Variants in CILK1 observed in about 807,000 individuals in gnomAD.
CILK1 encodes the protein serine/threonine-protein kinase ICK.
A neutral mutation model predicts 79.2 loss-of-function variants in CILK1; 47 were observed. The ratio of observed to expected loss-of-function variants is 0.59; its 90% CI spans 0.47 to 0.76. The LOEUF (loss-of-function observed/expected upper bound fraction) is 0.76. Ranked by LOEUF, CILK1 falls within the 30% of genes least tolerant of loss-of-function variation. The probability of loss-of-function intolerance (pLI) is 0.00; values close to 1 mark genes in which losing one functional copy is unlikely to be tolerated. For missense variants in CILK1, 660 were observed against 769.5 expected (o/e 0.86, Z 1.68); for synonymous variants, 266 against 275.9 (o/e 0.96, Z 0.36).
At position 53,040,522 on chromosome 6, in the gene CILK1, C is replaced by T. The variant is rs185027779; in HGVS notation, c.101+614G>A. On this transcript the variant is annotated intron_variant, in intron 2 of 13. Coordinates refer to ENST00000676107, the MANE Select transcript of CILK1 (RefSeq NM_014920.5). ...AAAATGAGCTCAGAAGTGGATTCTT[C>T]CCCAGTCCAATCTTTGGATGAGACC... 1.8e-3 allele frequency among the ~76,000 whole-genome samples: 281 copies of T among 152,332 alleles called. 3 individuals carry two copies. Among genetic ancestry groups the T allele is most frequent in the African/African-American group, 6.4e-3 (267 of 41,576 alleles).
At chr6:53,036,781 C>T (rs754403844) in intron 3 of CILK1, among the ~76,000 whole-genome samples, 5 of 152,304 alleles carry the variant, frequency 3.3e-5, no homozygotes, top group South Asian at 2.1e-4. Context: ...ACAGGGAACA[C>T]TAACTTTGAA....
At chr6:53,013,613 A>G in intron 9 of CILK1, 49 bp downstream of exon 9, 3 of 1,534,154 alleles carry the variant, frequency 2.0e-6, no homozygotes, top group Non-Finnish European at 2.7e-6. Context: ...ATGGGGTCAG[A>G]AGAGGAATAA....
At chr6:53,059,865 C>T (rs1309055868) in intron 1 of CILK1, among the ~76,000 whole-genome samples, 3 of 152,174 alleles carry the variant, frequency 2.0e-5, no homozygotes, top group African/African-American at 7.2e-5. Flanking sequence ...GGATGCTTCT[C>T]ATTCATTCAT....
intron 1 of CILK1, among the ~76,000 whole-genome samples, chr6:53,050,025 T>C (rs956250064): frequency 2.6e-5 from 4 of 152,178 alleles, no homozygotes; most frequent in African/African-American, 4.8e-5. Context: ...CCAGCCTCAA[T>C]TGGAGTTCTA....
chr6:53,012,845 T>TA (rs1764657246), intron 9 of CILK1, among the ~76,000 whole-genome samples: 1 of 152,190 alleles, frequency 6.6e-6, no homozygotes, highest in African/African-American at 2.4e-5. Flanking sequence ...TCATAAAGGA[T>TA]AGACAGTTGG....
rs757733787 is a variant in CILK1 at position 53,016,072 on chromosome 6, T to C, written c.831+11A>G. The C allele has an allele frequency of 1.9e-6, 3 of 1,613,460 alleles. No homozygotes were observed. The South Asian group carries it at 3.3e-5, about 18-fold the overall frequency. On this transcript the variant is annotated intron_variant, in intron 8 of 13. Coordinates refer to ENST00000676107, the MANE Select transcript of CILK1 (RefSeq NM_014920.5). The stretch of plus-strand genomic sequence containing the variant: ...AGATATGAACGTTATAACAAGAAAA[T>C]GGAAGAAAACCTGACTAGCTGTTGG...
At chr6:53,019,824 GT>G (rs1340946657) in intron 5 of CILK1, among the ~76,000 whole-genome samples, 7 of 132,980 alleles carry the variant, frequency 5.3e-5, no homozygotes, top group African/African-American at 1.4e-4. Context: ...TGCCTGGCTA[GT>G]TTTTTTGTTT....
Position 53,005,084 on chromosome 6 carries a change from A to G in CILK1, c.*65T>C. The G allele has an allele frequency of 6.3e-7, 1 of 1,580,774 alleles. No individual in the cohort carries two copies. The highest frequency in any genetic ancestry group is 1.3e-5 in the African/African-American group (1 of 74,514). ...CCTCTGCACATCTTGCAGGTAGAAC[A>G]CCAGTCAGCTGAGGGAAAGTATCCT... On this transcript the variant is annotated 3_prime_UTR_variant, in exon 14 of 14. Transcript: ENST00000676107.
At chr6:53,021,180 C>T (rs1029747019) in intron 5 of CILK1, among the ~76,000 whole-genome samples, 2 of 152,124 alleles carry the variant, frequency 1.3e-5, no homozygotes, top group African/African-American at 4.8e-5. Context: ...TAAAAATTAG[C>T]CGGGCGTGGT....
chr6:53,028,927 T>C (rs1224306303), intron 5 of CILK1, among the ~76,000 whole-genome samples: 1 of 151,828 alleles, frequency 6.6e-6, no homozygotes, highest in Non-Finnish European at 1.5e-5. Context: ...TGTCTTGGGG[T>C]GCTTATGTGT....
intron 1 of CILK1, among the ~76,000 whole-genome samples, chr6:53,059,018 A>G (rs772878420): frequency 1.3e-5 from 2 of 152,216 alleles, no homozygotes; most frequent in Non-Finnish European, 1.5e-5. Flanking sequence ...GAATAACCTA[A>G]GCTCAAGCCA....
At chr6:53,049,684 T>G (rs1027756642) in intron 1 of CILK1, among the ~76,000 whole-genome samples, 1 of 152,100 alleles carries the variant, frequency 6.6e-6, no homozygotes, top group African/African-American at 2.4e-5. Flanking sequence ...ACCACAGAGC[T>G]TCAGTCAAAG....
rs1036342383 is a variant in CILK1, at chr6:53,004,566, A to G, written c.*583T>C. The G allele has an allele frequency of 1.3e-5, 2 of 153,434 alleles. No individual in the cohort carries two copies. The highest frequency in any genetic ancestry group is 2.9e-5 in the Non-Finnish European group (2 of 68,650). The allele number at this position is 153,434 out of a possible 1,614,324, so 9.5% of individuals were successfully genotyped here. On this transcript the variant is annotated 3_prime_UTR_variant, in exon 14 of 14. Transcript: ENST00000676107. ...AATATAATAGTCCTTTTAGAACAGC[A>G]GAGTGGTATCCAAAAATCAAACCAA...
chr6:53,035,420 A>G (rs1479044645), intron 3 of CILK1, among the ~76,000 whole-genome samples: 12 of 152,168 alleles, frequency 7.9e-5, no homozygotes, highest in Non-Finnish European at 2.9e-5. Context: ...AAAACAGCAA[A>G]GGAACACGGT....
At chr6:53,011,557 C>A (rs1562004852) in intron 11 of CILK1, among the ~76,000 whole-genome samples, 1 of 152,122 alleles carries the variant, frequency 6.6e-6, no homozygotes, top group Non-Finnish European at 1.5e-5. Flanking sequence ...CAAGATGGCG[C>A]CATTGCACTC....
chr6:53,017,624 G>A (rs1764968356), intron 7 of CILK1, among the ~76,000 whole-genome samples: 1 of 152,222 alleles, frequency 6.6e-6, no homozygotes. Context: ...GACTGAACAA[G>A]AAGCCAGAGT....
At position 53,036,076 on chromosome 6, in the gene CILK1, T is replaced by C. The variant is rs1052958471; in HGVS notation, c.156+1863A>G. ...AGAGGAGCAGTTTCTTCAACTATCT[T>C]GCCGAGGCAGTCACTTGCTTCCTAA... On this transcript the variant is annotated intron_variant, in intron 3 of 13. Transcript: ENST00000676107. Among the ~76,000 whole-genome samples the C allele has an allele frequency of 2.6e-5, 4 of 152,192 alleles. No individual in the cohort carries two copies. The South Asian group carries it at 8.3e-4, about 32-fold the overall frequency.
chr6:53,041,185 C>A lies in CILK1; in HGVS notation c.52G>T (p.Val18Phe), dbSNP rs538918229. 6.2e-7 allele frequency: 1 copy of A among 1,613,878 alleles called. No individual in the cohort carries two copies. The highest frequency in any genetic ancestry group is 8.5e-7 in the Non-Finnish European group (1 of 1,179,900). ...RQLGDGTYGS[V>F]LLGRSIESGE... The stretch of plus-strand genomic sequence containing the variant: ...GACTCAATGCTTCTTCCCAGCAGGA[C>A]GGAACCGTAGGTTCCATCCCCGAGC... Residue 18 changes from valine (V) to phenylalanine (F), a missense_variant, in exon 2 of 14, where the codon GTC becomes TTC. By Grantham distance (50) the Val-to-Phe change is conservative. Coordinates refer to ENST00000676107, the MANE Select transcript of CILK1 (RefSeq NM_014920.5).
At chr6:53,042,301 C>T (rs1253218361) in intron 1 of CILK1, among the ~76,000 whole-genome samples, 1 of 152,184 alleles carries the variant, frequency 6.6e-6, no homozygotes, top group Non-Finnish European at 1.5e-5. Context: ...TGCTTTTCTG[C>T]TGACTAACCA....
Sources: gnomAD v4.1 joint callset for allele counts (sites outside exome capture counted in the v4.1 genomes callset) on GRCh38, gnomAD v4.1.1 for gene constraint, MANE v1.5 for transcripts, NCBI Gene and HGNC (gene_info 2026-07-23, HGNC 2026-07-21) for gene names.